CNTNAP4: variants seen among roughly 807,000 people sequenced by gnomAD.
The protein encoded by CNTNAP4 is contactin-associated protein-like 4.
A neutral mutation model predicts 148.4 loss-of-function variants in CNTNAP4; 98 were observed. That is an observed-to-expected ratio of 0.66 (90% CI 0.56 to 0.78). The LOEUF (loss-of-function observed/expected upper bound fraction) is 0.78. CNTNAP4 is among the 30% of genes least tolerant of loss of function. The pLI is 0.00. For missense variants in CNTNAP4, 1,935 were observed against 1,565.6 expected, an observed-to-expected ratio of 1.24 and a Z score of -3.98; for synonymous variants, 730 against 565.1, an observed-to-expected ratio of 1.29 and a Z score of -4.14.
intron 2 of CNTNAP4, among the ~76,000 whole-genome samples, chr16:76,340,490 G>T (rs557523232): frequency 1.3e-5 from 2 of 151,924 alleles, no homozygotes; most frequent in Non-Finnish European, 2.9e-5. Flanking sequence ...GTTTTCAAAC[G>T]ACCACCCTGG....
rs1958679276 is a variant in CNTNAP4, at chr16:76,281,312, A to T, written c.85+3565A>T. On this transcript the variant is annotated intron_variant, in intron 1 of 23. Transcript: ENST00000611870. ...CTGATAAAATATAATTCTATGAGGC[A>T]ATGCATAAATGGCTAGCCCCTATAA... is the stretch of plus-strand genomic sequence containing the variant. Among the ~76,000 whole-genome samples the T allele has an allele frequency of 2.0e-5, 3 of 152,134 alleles. No individual in the cohort carries two copies. The South Asian group carries it at 6.2e-4, about 31-fold the overall frequency.
intron 1 of CNTNAP4, among the ~76,000 whole-genome samples, chr16:76,300,613 G>C (rs978164333): frequency 1.3e-5 from 2 of 152,142 alleles, no homozygotes; most frequent in African/African-American, 4.8e-5. Context: ...TCATCAGCAA[G>C]AAATTAAAAT....
intron 12 of CNTNAP4, among the ~76,000 whole-genome samples, chr16:76,487,343 T>C (rs964222589): frequency 6.6e-6 from 1 of 152,224 alleles, no homozygotes; most frequent in Non-Finnish European, 1.5e-5. Flanking sequence ...GAGATATGAT[T>C]GTTACCAGAT....
At chr16:76,458,068 T>A (rs1044418244) in intron 8 of CNTNAP4, among the ~76,000 whole-genome samples, 1 of 152,178 alleles carries the variant, frequency 6.6e-6, no homozygotes, top group African/African-American at 2.4e-5. Context: ...TGTTTTTGTG[T>A]TAATTCACTT....
At chr16:76,331,810 AC>A (rs1963553933) in intron 2 of CNTNAP4, among the ~76,000 whole-genome samples, 1 of 152,190 alleles carries the variant, frequency 6.6e-6, no homozygotes. Flanking sequence ...TAGTTTCCAT[AC>A]AGTGTTCTTT....
chr16:76,504,896 C>G (rs1304720349), intron 15 of CNTNAP4, among the ~76,000 whole-genome samples: 1 of 151,952 alleles, frequency 6.6e-6, no homozygotes, highest in Non-Finnish European at 1.5e-5. Context: ...AAACTCGTAC[C>G]ACAATGTGAT....
At chr16:76,532,593 A>G (rs1312181755) in intron 17 of CNTNAP4, among the ~76,000 whole-genome samples, 1 of 152,218 alleles carries the variant, frequency 6.6e-6, no homozygotes, top group Non-Finnish European at 1.5e-5. Context: ...TATACTGTAG[A>G]CTGTATACCA....
rs118133071 is a variant in CNTNAP4, at chr16:76,403,964, A to G, written c.391-23488A>G. Among the ~76,000 whole-genome samples, 174 of 152,272 alleles carry G rather than the reference A, an allele frequency of 1.1e-3. 2 individuals carry two copies. In the East Asian group the frequency reaches 0.027, roughly 24 times the overall value. On this transcript the variant is annotated intron_variant, in intron 3 of 23. Transcript: ENST00000611870. ...ATGTAGGAACAGAAAACCAAATACC[A>G]TATGTTCTTATAAGTGGAAGCTAAA...
chr16:76,535,340 AT>A (rs1042682742), intron 17 of CNTNAP4, among the ~76,000 whole-genome samples: 11 of 152,214 alleles, frequency 7.2e-5, no homozygotes, highest in East Asian at 5.8e-4. Flanking sequence ...TAGAAAAAAA[AT>A]GTAACATATT....
chr16:76,514,691 T>A (rs2083176685), intron 15 of CNTNAP4, among the ~76,000 whole-genome samples: 1 of 109,864 alleles, frequency 9.1e-6, no homozygotes, highest in African/African-American at 2.6e-5. Flanking sequence ...ATTTTCTTCA[T>A]TTTTATTTTG....
At chr16:76,526,493 C>G (rs963318896) in intron 17 of CNTNAP4, among the ~76,000 whole-genome samples, 1 of 152,014 alleles carries the variant, frequency 6.6e-6, no homozygotes, top group South Asian at 2.1e-4. Context: ...TCACAGTGGT[C>G]CCTCTGAGAG....
intron 4 of CNTNAP4, among the ~76,000 whole-genome samples, chr16:76,427,911 T>A (rs963851413): frequency 1.3e-5 from 2 of 152,214 alleles, no homozygotes. Context: ...GAAGTTTCCT[T>A]CATGAGTTAT....
chr16:76,393,470 G>A (rs4325597), intron 3 of CNTNAP4, among the ~76,000 whole-genome samples: 57,985 of 152,018 alleles, frequency 0.38, 11,673 homozygotes, highest in Middle Eastern at 0.5. Flanking sequence ...TGAACACTGG[G>A]CATTTATGAT....
At chr16:76,287,033 C>T (rs1958917596) in intron 1 of CNTNAP4, among the ~76,000 whole-genome samples, 2 of 152,132 alleles carry the variant, frequency 1.3e-5, no homozygotes, top group Admixed American at 6.6e-5. Flanking sequence ...ACAACTGTGT[C>T]ACAATCCTGT....
At chr16:76,307,734 G>A (rs1352186269) in intron 1 of CNTNAP4, among the ~76,000 whole-genome samples, 3 of 151,758 alleles carry the variant, frequency 2.0e-5, no homozygotes, top group Admixed American at 1.3e-4. Context: ...ACCTTTGATT[G>A]GTCTCTTTGT....
At chr16:76,522,386 C>T (rs369993717) in intron 17 of CNTNAP4, 129 bp downstream of exon 17, 6 of 793,548 alleles carry the variant, frequency 7.6e-6, no homozygotes, top group African/African-American at 6.9e-5. Context: ...ACCATGGATT[C>T]ACAAACTGTG....
intron 23 of CNTNAP4, among the ~76,000 whole-genome samples, chr16:76,556,240 T>C (rs1372151039): frequency 1.3e-5 from 2 of 152,156 alleles, no homozygotes; most frequent in African/African-American, 4.8e-5. Flanking sequence ...CAGATACAGA[T>C]AGATTTAGCC....
intron 1 of CNTNAP4, among the ~76,000 whole-genome samples, chr16:76,279,216 T>G (rs1958594290): frequency 6.6e-6 from 1 of 152,158 alleles, no homozygotes; most frequent in African/African-American, 2.4e-5. Context: ...TAGAGGTCAC[T>G]CTTACAATGT....
chr16:76,375,000 C>T (rs1040171383), intron 3 of CNTNAP4, among the ~76,000 whole-genome samples: 5 of 152,016 alleles, frequency 3.3e-5, no homozygotes, highest in African/African-American at 4.8e-5. Context: ...AACTCCTGAC[C>T]TCAGGTGATC....
Sources: gnomAD v4.1 joint callset for allele counts (sites outside exome capture counted in the v4.1 genomes callset) on GRCh38, gnomAD v4.1.1 for gene constraint, MANE v1.5 for transcripts, NCBI Gene and HGNC (gene_info 2026-07-23, HGNC 2026-07-21) for gene names.